Variants in SLC22A8 observed in about 807,000 individuals in gnomAD.
SLC22A8 encodes the protein organic anion transporter 3.
SLC22A8 carries 40 observed loss-of-function variants against 48.4 expected under a neutral mutation model. That is an observed-to-expected ratio of 0.83 (90% CI 0.64 to 1.08). The LOEUF is 1.08. SLC22A8 is among the 50% of genes least tolerant of loss of function. The pLI is 0.00. For synonymous variants in SLC22A8, 268 were observed against 286.3 expected (o/e 0.94, Z 0.65); for missense variants, 606 against 699.0 (o/e 0.87, Z 1.50).
In SLC22A8 at chr11:62,999,145, G is replaced by A. The variant is rs371620813; in HGVS notation, c.593-56C>T. ...GTTCTGCTAGGTCCCAGGCACCTCC[G>A]CGTGAAGGGGCACCAGCTTCTGCAT... On this transcript the variant is annotated intron_variant, in intron 4 of 10. Transcript: ENST00000336232. The A allele has an allele frequency of 2.0e-5, 30 of 1,473,572 alleles. No individual in the cohort carries two copies. In the African/African-American group the frequency reaches 2.6e-4, roughly 13 times the overall value. 91.3% of individuals were successfully genotyped at this position (1,473,572 alleles called of 1,614,324 possible). A position where few individuals can be genotyped will look rare whatever the true frequency, so the allele number is the denominator to read the frequency against.
rs760560201 is a variant in SLC22A8, at chr11:62,993,435, G to T, written c.1518C>A (p.Asp506Glu). The T allele has an allele frequency of 6.2e-7, 1 of 1,614,160 alleles. No individual in the cohort carries two copies. Among genetic ancestry groups the T allele is most frequent in the Non-Finnish European group, 8.5e-7 (1 of 1,180,006 alleles). Reference sequence around the variant, plus strand: ...AGGCAGTGACTGACCAGTTTTCCAGGTCTTCGATAGTCTCTGGCAAGGGCT... The same window carrying T: ...AGGCAGTGACTGACCAGTTTTCCAGTTCTTCGATAGTCTCTGGCAAGGGCT... ...LNQPLPETIE[D>E]LENWSLRAKK... is the part of the protein sequence containing the mutation. The change falls in exon 10 of 11, where the codon GAC (aspartate) becomes GAA (glutamate). Residue 506 changes from aspartate to glutamate, a missense_variant. By Grantham distance (45) the Asp-to-Glu change is conservative. Transcript: ENST00000336232.
intron 9 of SLC22A8, 52 bp downstream of exon 9, chr11:62,993,718 C>G (rs2086373663): frequency 6.3e-7 from 1 of 1,583,784 alleles, no homozygotes; most frequent in African/African-American, 1.3e-5. Flanking sequence ...ATGCCACAGT[C>G]CCACCTGACC....
In SLC22A8 at chr11:62,996,288, AT is replaced by A. The variant is rs146360289; in HGVS notation, c.762-137del. 9.9e-4 allele frequency: 892 copies of A among 899,434 alleles called. 6 individuals carry two copies. The African/African-American group carries it at 0.014, about 14-fold the overall frequency. 55.7% of individuals were successfully genotyped at this position (899,434 alleles called of 1,614,324 possible). A position where few individuals can be genotyped will look rare whatever the true frequency, so the allele number is the denominator to read the frequency against. On this transcript the variant is annotated intron_variant, in intron 5 of 10. Transcript: ENST00000336232. The stretch of plus-strand genomic sequence containing the variant: ...GCTATCTCACTGCAGATTTCATGGA[AT>A]TTAAACTTGGACAAACTCTGCCCCT...
chr11:63,005,658 T>C (rs954444364), intron 2 of SLC22A8, among the ~76,000 whole-genome samples: 5 of 152,124 alleles, frequency 3.3e-5, no homozygotes, highest in African/African-American at 9.7e-5. Context: ...GAGAGACACA[T>C]GGGGATGTTA....
chr11:62,993,779 G>C lies in SLC22A8; in HGVS notation c.1316C>G (p.Thr439Arg), dbSNP rs1366156489. The change falls in exon 9 of 11, where the codon ACA becomes AGA. Residue 439 changes from threonine to arginine, a missense_variant. By Grantham distance (71) the Thr-to-Arg change is moderately conservative. Coordinates refer to ENST00000336232, the MANE Select transcript of SLC22A8 (RefSeq NM_004254.4). Reference sequence around the variant, plus strand: ...CAGGTCCAGCACCTACCTGATGACTGTGGGGTATAATTCACTTGTGTAGAG... The same window carrying C: ...CAGGTCCAGCACCTACCTGATGACTCTGGGGTATAATTCACTTGTGTAGAG... ...LFLYTSELYP[T>R]VIRQTGMGVS... 6.2e-7 allele frequency: 1 copy of C among 1,611,954 alleles called. No individual in the cohort carries two copies. Among genetic ancestry groups the C allele is most frequent in the South Asian group, 1.1e-5 (1 of 91,046 alleles).
intron 2 of SLC22A8, 186 bp from the exon 3 acceptor site, chr11:63,001,009 C>G (rs982394060): frequency 5.2e-6 from 3 of 572,218 alleles, no homozygotes; most frequent in Non-Finnish European, 6.3e-6. Flanking sequence ...GCTCTTCGGC[C>G]CCTGACCTGC....
intron 2 of SLC22A8, among the ~76,000 whole-genome samples, chr11:63,009,025 G>T (rs117703343): frequency 6.6e-6 from 1 of 152,134 alleles, no homozygotes; most frequent in Non-Finnish European, 1.5e-5. Context: ...GGGCTTTCTC[G>T]GTCAGGGCTG....
chr11:62,995,734 C>T lies in SLC22A8; in HGVS notation c.971G>A (p.Arg324His), dbSNP rs749501509. 4.5e-5 allele frequency: 73 copies of T among 1,613,884 alleles called. No homozygotes were observed. Among genetic ancestry groups the T allele is most frequent in the Admixed American group, 1.0e-4 (6 of 60,004 alleles). Residue 324 changes from arginine to histidine, a missense_variant, in exon 7 of 11, where the codon CGC (arginine) becomes CAC (histidine). Transcript: ENST00000336232. ...ASDLFRIPML[R>H]RMTFCLSLAW... The stretch of plus-strand genomic sequence containing the variant: ...CAGGGAAAGACAGAAGGTCATGCGG[C>T]GCAGCATGGGTATCCGGAACAGGTC...
chr11:63,001,973 G>A (rs1186453842), intron 2 of SLC22A8, among the ~76,000 whole-genome samples: 2 of 151,984 alleles, frequency 1.3e-5, no homozygotes, highest in Non-Finnish European at 1.5e-5. Context: ...CACCCAGGCT[G>A]ACTACAGTGG....
At chr11:62,998,866 C>T (rs1441708429) in intron 5 of SLC22A8, 55 bp downstream of exon 5, 4 of 1,517,052 alleles carry the variant, frequency 2.6e-6, no homozygotes, top group Non-Finnish European at 2.7e-6. Flanking sequence ...TATGGGCTCC[C>T]CTGTTTGGCC....
At chr11:63,000,952 C>T in intron 2 of SLC22A8, 129 bp from the exon 3 acceptor site, 1 of 691,472 alleles carries the variant, frequency 1.4e-6, no homozygotes. Flanking sequence ...CTCCCAAGGA[C>T]CGTTTCCTTT....
intron 2 of SLC22A8, among the ~76,000 whole-genome samples, chr11:63,008,277 C>T (rs776868764): frequency 6.6e-6 from 1 of 152,120 alleles, no homozygotes; most frequent in East Asian, 1.9e-4. Flanking sequence ...CAGGATGGGG[C>T]CCTGCTGTGT....
Position 62,993,508 on chromosome 11 carries a change from G to T in SLC22A8, c.1445C>A (p.Ala482Asp), listed in dbSNP as rs781392830. The T allele has an allele frequency of 3.1e-6, 5 of 1,614,218 alleles. No homozygotes were observed. Among genetic ancestry groups the T allele is most frequent in the Non-Finnish European group, 3.4e-6 (4 of 1,180,034 alleles). Reference sequence around the variant, plus strand: ...GAGGGCAGCACTGCCCCCGAGGAGGGCGGTGATCCCGTAGATGATATTGGG... The same window carrying T: ...GAGGGCAGCACTGCCCCCGAGGAGGTCGGTGATCCCGTAGATGATATTGGG... ...FIPNIIYGIT[A>D]LLGGSAALFL... Residue 482 changes from alanine (A) to aspartate (D), a missense_variant, in exon 10 of 11, where the codon GCC becomes GAC. By Grantham distance (126) the Ala-to-Asp change is moderately radical. Coordinates refer to ENST00000336232, the MANE Select transcript of SLC22A8 (RefSeq NM_004254.4).
intron 7 of SLC22A8, chr11:62,995,284 G>A (rs1398423239): frequency 4.1e-6 from 1 of 244,000 alleles, no homozygotes; most frequent in African/African-American, 2.2e-5. Context: ...GTCAGACAGA[G>A]GAGAAAACTT....
In SLC22A8 at chr11:62,999,807, A is replaced by G; in HGVS notation, c.473T>C (p.Leu158Pro). ...GRRPILTCSYLLLAASGSGAA... is the reference protein window; with the variant it reads ...GRRPILTCSYPLLAASGSGAA... ...ACCGGAGCCGCTGGCTGCCAGCAGC[A>G]GGTAGCTGCAGGTCAGGATGGGCCT... The change falls in exon 4 of 11, where the codon CTG becomes CCG. Residue 158 changes from leucine (L) to proline (P), a missense_variant. Transcript: ENST00000336232. 1 of 1,600,730 alleles carries G rather than the reference A, an allele frequency of 6.2e-7. No individual in the cohort carries two copies.
Position 62,994,574 on chromosome 11 carries a change from C to T in SLC22A8, c.1184G>A (p.Gly395Glu). Reference protein sequence around the residue: ...TQAAALLLAGGAILALTFVPL... With the variant: ...TQAAALLLAGEAILALTFVPL... ...CACAAAGGTGAGAGCCAAGATGGCC[C>T]CTCCTGCCAGGAGCAGGGCAGCGGC... Residue 395 changes from glycine (G) to glutamate (E), a missense_variant, in exon 8 of 11, where the codon GGG (glycine) becomes GAG (glutamate). By Grantham distance (98) the Gly-to-Glu change is moderately conservative (BLOSUM62 -2). Coordinates refer to ENST00000336232, the MANE Select transcript of SLC22A8 (RefSeq NM_004254.4). The T allele has an allele frequency of 1.2e-6, 2 of 1,612,728 alleles. No individual in the cohort carries two copies. The highest frequency in any genetic ancestry group is 8.5e-7 in the Non-Finnish European group (1 of 1,179,414).
At chr11:63,010,023 CTT>C (rs1414959981) in intron 2 of SLC22A8, among the ~76,000 whole-genome samples, 2 of 152,172 alleles carry the variant, frequency 1.3e-5, no homozygotes, top group Non-Finnish European at 2.9e-5. Context: ...ATCCCCCTCT[CTT>C]GTGATGGGGA....
At chr11:63,013,761 C>G (rs769959826) in intron 2 of SLC22A8, among the ~76,000 whole-genome samples, 1 of 152,166 alleles carries the variant, frequency 6.6e-6, no homozygotes, top group African/African-American at 2.4e-5. Flanking sequence ...CGGAGCATCA[C>G]GTTGGAATCA....
chr11:63,000,988 G>A, intron 2 of SLC22A8, 165 bp from the exon 3 acceptor site: 2 of 605,980 alleles, frequency 3.3e-6, no homozygotes, highest in East Asian at 2.9e-5. Flanking sequence ...AGCTCCTTGG[G>A]TTTGTCTGTG....
Sources: gnomAD v4.1 joint callset for allele counts (sites outside exome capture counted in the v4.1 genomes callset) on GRCh38, gnomAD v4.1.1 for gene constraint, MANE v1.5 for transcripts, NCBI Gene and HGNC (gene_info 2026-07-23, HGNC 2026-07-21) for gene names.